The following PPP2R2C variants were observed in gnomAD, a reference collection of about 807,000 sequenced individuals.
The protein encoded by PPP2R2C is protein phosphatase 2 regulatory subunit Bgamma.
A neutral mutation model predicts 45.3 loss-of-function variants in PPP2R2C; 10 were observed. That is an observed-to-expected ratio of 0.22 (90% confidence interval 0.14 to 0.37). PPP2R2C has a LOEUF of 0.37. Ranked by LOEUF, PPP2R2C falls within the 10% of genes least tolerant of loss-of-function variation. The probability of loss-of-function intolerance (pLI) is 1.00; values close to 1 mark genes in which losing one functional copy is unlikely to be tolerated. For missense variants in PPP2R2C, 308 were observed against 619.7 expected (o/e 0.50, Z 5.34); for synonymous variants, 257 against 245.4 (o/e 1.05, Z -0.44).
intron 1 of PPP2R2C, among the ~76,000 whole-genome samples, chr4:6,544,287 C>T (rs1724904579): frequency 6.6e-6 from 1 of 152,200 alleles, no homozygotes; most frequent in Admixed American, 6.5e-5. Context: ...TACCGGAAGT[C>T]CCTCTAGTCA....
chr4:6,352,532 C>A (rs1712667164), intron 5 of PPP2R2C, among the ~76,000 whole-genome samples: 1 of 152,198 alleles, frequency 6.6e-6, no homozygotes, highest in Non-Finnish European at 1.5e-5. Context: ...CCATCTAATT[C>A]CACTCCAACT....
intron 2 of PPP2R2C, among the ~76,000 whole-genome samples, chr4:6,522,096 T>A (rs1418592307): frequency 6.6e-6 from 1 of 152,134 alleles, no homozygotes. Context: ...GCACCGCTCC[T>A]GCCTGCACTC....
At chr4:6,356,634 T>G (rs745925901) in intron 5 of PPP2R2C, among the ~76,000 whole-genome samples, 1 of 152,222 alleles carries the variant, frequency 6.6e-6, no homozygotes, top group Non-Finnish European at 1.5e-5. Flanking sequence ...TGGGGTAAGG[T>G]AGTCCACGTG....
intron 1 of PPP2R2C, among the ~76,000 whole-genome samples, chr4:6,401,251 A>G (rs1717391310): frequency 6.6e-6 from 1 of 152,116 alleles, no homozygotes; most frequent in Admixed American, 6.5e-5. Flanking sequence ...TCTCCTGGAT[A>G]TGGTTAATGG....
intron 1 of PPP2R2C, among the ~76,000 whole-genome samples, chr4:6,420,296 C>A (rs1038835283): frequency 6.7e-6 from 1 of 150,110 alleles, no homozygotes; most frequent in African/African-American, 2.4e-5. Flanking sequence ...CTCCTTCCAT[C>A]AGAATGTGCC....
At chr4:6,376,347 G>A (rs528877460) in intron 3 of PPP2R2C, among the ~76,000 whole-genome samples, 2 of 152,320 alleles carry the variant, frequency 1.3e-5, no homozygotes, top group South Asian at 4.1e-4. Flanking sequence ...AGGAAAGAGT[G>A]AAGCCAGGAT....
At chr4:6,489,984 G>T (rs1024706702) in intron 2 of PPP2R2C, among the ~76,000 whole-genome samples, 3 of 152,170 alleles carry the variant, frequency 2.0e-5, no homozygotes, top group African/African-American at 7.2e-5. Flanking sequence ...TGGAAAACAG[G>T]CAATTAAGCA....
intron 1 of PPP2R2C, among the ~76,000 whole-genome samples, chr4:6,560,207 C>A (rs972653270): frequency 6.6e-6 from 1 of 152,230 alleles, no homozygotes; most frequent in African/African-American, 2.4e-5. Context: ...TGGAGGAGGG[C>A]AAGCAGGGGA....
chr4:6,470,515 T>C (rs1721813449), intron 1 of PPP2R2C, among the ~76,000 whole-genome samples: 1 of 152,190 alleles, frequency 6.6e-6, no homozygotes, highest in South Asian at 2.1e-4. Flanking sequence ...AACGTAGAGA[T>C]GAGCAAACAG....
chr4:6,346,701 T>C (rs955009700), intron 6 of PPP2R2C, among the ~76,000 whole-genome samples: 2 of 152,158 alleles, frequency 1.3e-5, no homozygotes, highest in African/African-American at 4.8e-5. Context: ...AGGCAGAAGC[T>C]GGAGGTTTTG....
At chr4:6,461,894 G>T (rs943075061) in intron 1 of PPP2R2C, among the ~76,000 whole-genome samples, 8 of 152,210 alleles carry the variant, frequency 5.3e-5, no homozygotes, top group Admixed American at 3.9e-4. Context: ...TCCCCATCAT[G>T]GGGGTAAGAC....
rs190313506 is a variant in PPP2R2C, at chr4:6,556,808, G to A, written c.-59+6752C>T. The stretch of plus-strand genomic sequence containing the variant: ...TGGGAGAATCTGCAAGCATCTCTCG[G>A]GGTGCCCCTGAGTTGGTTATTATCA... On this transcript the variant is annotated intron_variant, in intron 1 of 9. Coordinates refer to the PPP2R2C transcript ENST00000506140. Among the ~76,000 whole-genome samples the A allele has an allele frequency of 5.9e-5, 9 of 152,158 alleles. No individual in the cohort carries two copies. In the East Asian group the frequency reaches 1.7e-3, roughly 29 times the overall value.
At chr4:6,399,734 C>A (rs1323589009) in intron 1 of PPP2R2C, among the ~76,000 whole-genome samples, 1 of 152,196 alleles carries the variant, frequency 6.6e-6, no homozygotes, top group African/African-American at 2.4e-5. Flanking sequence ...CTGAGAAAGG[C>A]AGAGTGAGGA....
At chr4:6,455,195 G>C (rs1269675637) in intron 1 of PPP2R2C, among the ~76,000 whole-genome samples, 1 of 152,106 alleles carries the variant, frequency 6.6e-6, no homozygotes, top group Non-Finnish European at 1.5e-5. Context: ...AAAATGTTTT[G>C]CCCAATTTGA....
At chr4:6,488,526 A>G (rs1722598761) in intron 2 of PPP2R2C, among the ~76,000 whole-genome samples, 1 of 152,128 alleles carries the variant, frequency 6.6e-6, no homozygotes, top group African/African-American at 2.4e-5. Flanking sequence ...TCTACAAAAA[A>G]TGGAAAAATT....
At chr4:6,398,986 A>C (rs1044025319) in intron 1 of PPP2R2C, among the ~76,000 whole-genome samples, 4 of 152,262 alleles carry the variant, frequency 2.6e-5, no homozygotes, top group Non-Finnish European at 4.4e-5. Context: ...AAGAAGCCAG[A>C]CCAAAAAATG....
intron 1 of PPP2R2C, among the ~76,000 whole-genome samples, chr4:6,562,682 C>A (rs1426974294): frequency 6.6e-6 from 1 of 152,170 alleles, no homozygotes; most frequent in African/African-American, 2.4e-5. Context: ...TCTGCCACAA[C>A]CTTGCCCGCT....
At chr4:6,347,222 A>C (rs921456718) in intron 6 of PPP2R2C, among the ~76,000 whole-genome samples, 1 of 152,216 alleles carries the variant, frequency 6.6e-6, no homozygotes, top group Non-Finnish European at 1.5e-5. Flanking sequence ...TCACAGGTAA[A>C]GCCCTTGGTA....
chr4:6,441,234 A>G (rs192352325), intron 1 of PPP2R2C, among the ~76,000 whole-genome samples: 1 of 152,128 alleles, frequency 6.6e-6, no homozygotes, highest in East Asian at 1.9e-4. Flanking sequence ...CACTAAAGTG[A>G]TTAGGGAATC....
Sources: allele counts gnomAD v4.1 joint callset (sites outside exome capture counted in the v4.1 genomes callset), GRCh38; gene constraint gnomAD v4.1.1; transcripts MANE v1.5; gene names NCBI Gene and HGNC (gene_info 2026-07-23, HGNC 2026-07-21).